The following TBC1D5 variants were observed in gnomAD, a reference collection of about 807,000 sequenced individuals.
The protein encoded by TBC1D5 is TBC1 domain family member 5, also known as TBC1 domain family, member 5.
Under a neutral mutation model 100.3 loss-of-function variants are expected in TBC1D5, and 75 were observed. That is an observed-to-expected ratio of 0.75 (90% CI 0.62 to 0.91). The LOEUF (loss-of-function observed/expected upper bound fraction) is 0.91. Ranked by LOEUF, TBC1D5 falls within the 40% of genes least tolerant of loss-of-function variation. The pLI, the probability that TBC1D5 is intolerant of heterozygous loss-of-function variation, is 0.00. For synonymous variants in TBC1D5, 323 were observed against 325.6 expected, an observed-to-expected ratio of 0.99 and a Z score of 0.09; for missense variants, 910 against 942.4, an observed-to-expected ratio of 0.97 and a Z score of 0.45.
At chr3:17,408,266 C>T (rs981241585) in intron 4 of TBC1D5, among the ~76,000 whole-genome samples, 1 of 123,432 alleles carries the variant, frequency 8.1e-6, no homozygotes, top group Non-Finnish European at 1.6e-5. Context: ...AGAAGACTAT[C>T]CAACACACAC....
At chr3:17,368,696 A>T (rs9874826) in intron 13 of TBC1D5, among the ~76,000 whole-genome samples, 76,255 of 151,260 alleles carry the variant, frequency 0.5, 20,802 homozygotes, top group African/African-American at 0.69. Flanking sequence ...TTTTCTTTTT[A>T]AATTTTTCAT....
intron 13 of TBC1D5, among the ~76,000 whole-genome samples, chr3:17,312,444 C>G (rs1281927387): frequency 2.0e-5 from 3 of 152,044 alleles, no homozygotes; most frequent in Admixed American, 6.6e-5. Context: ...CCATCAAACT[C>G]TTTTTCAAAA....
At chr3:17,740,451 T>C (rs944161746) in exon 1 of TBC1D5, 1 of 152,072 alleles carries the variant, frequency 6.6e-6, no homozygotes, top group Non-Finnish European at 1.5e-5. Flanking sequence ...TTATAAAAAT[T>C]ATGGTACTAA....
chr3:17,221,494 A>G (rs931667237), intron 17 of TBC1D5, among the ~76,000 whole-genome samples: 2 of 152,018 alleles, frequency 1.3e-5, no homozygotes, highest in Admixed American at 6.6e-5. Flanking sequence ...GAGTTCTTAA[A>G]GTAGAAGAGG....
At chr3:17,712,915 C>T (rs757102241) in intron 1 of TBC1D5, among the ~76,000 whole-genome samples, 8 of 152,182 alleles carry the variant, frequency 5.3e-5, no homozygotes, top group Non-Finnish European at 1.0e-4. Context: ...CACTCTCCAT[C>T]CCAGTGTCAA....
chr3:17,212,140 C>T (rs2073058064), intron 18 of TBC1D5, among the ~76,000 whole-genome samples: 1 of 152,184 alleles, frequency 6.6e-6, no homozygotes. Context: ...TTCTGTATTA[C>T]CTTGGCATCC....
At chr3:17,400,823 G>A (rs560047597) in intron 8 of TBC1D5, among the ~76,000 whole-genome samples, 34 of 152,114 alleles carry the variant, frequency 2.2e-4, no homozygotes, top group African/African-American at 7.7e-4. Context: ...TCCTGCCCTC[G>A]AACATCAGAC....
intron 3 of TBC1D5, among the ~76,000 whole-genome samples, chr3:17,455,335 T>TAA (rs2095046749): frequency 7.1e-6 from 1 of 141,588 alleles, no homozygotes; most frequent in African/African-American, 2.7e-5. Flanking sequence ...TGTATATATG[T>TAA]ATATGTATAT....
chr3:17,710,911 C>T (rs1031174962), intron 1 of TBC1D5, among the ~76,000 whole-genome samples: 10 of 152,082 alleles, frequency 6.6e-5, no homozygotes, highest in African/African-American at 2.4e-4. Context: ...TTGAGTTAGG[C>T]TGGTCTCAAA....
intron 3 of TBC1D5, among the ~76,000 whole-genome samples, chr3:17,449,795 G>A (rs1293596681): frequency 6.6e-6 from 1 of 152,220 alleles, no homozygotes; most frequent in African/African-American, 2.4e-5. Context: ...AGGGGCGGCT[G>A]TGGGAGCAGC....
chr3:17,566,530 G>A (rs987103283), intron 2 of TBC1D5, among the ~76,000 whole-genome samples: 2 of 151,742 alleles, frequency 1.3e-5, no homozygotes, highest in African/African-American at 4.8e-5. Flanking sequence ...ATAAAACACT[G>A]ATCATCAATT....
intron 18 of TBC1D5, 121 bp downstream of exon 19, chr3:17,214,086 C>A: frequency 1.1e-6 from 1 of 902,266 alleles, no homozygotes; most frequent in South Asian, 2.8e-5. Context: ...TAAAATAATT[C>A]CTTTTAGTCC....
At chr3:17,278,687 T>G (rs1337083097) in intron 15 of TBC1D5, among the ~76,000 whole-genome samples, 2 of 152,162 alleles carry the variant, frequency 1.3e-5, no homozygotes, top group Non-Finnish European at 2.9e-5. Flanking sequence ...AAAAAAGAGA[T>G]TGTTGGCTGC....
Position 17,384,018 on chromosome 3 carries a change from G to A in TBC1D5, c.510-3C>T. 2 of 1,591,760 alleles carry A rather than the reference G, an allele frequency of 1.3e-6. No homozygotes were observed. Among genetic ancestry groups the A allele is most frequent in the Non-Finnish European group, 1.7e-6 (2 of 1,165,192 alleles). On this transcript the variant is annotated splice_polypyrimidine_tract_variant and splice_region_variant and intron_variant, in intron 8 of 21. Coordinates refer to ENST00000253692, the Ensembl canonical transcript of TBC1D5. The stretch of plus-strand genomic sequence containing the variant: ...GGAAAAACTGCATTTCAGGAAACCT[G>A]GAAAAAGAAAATACAAGATTGAAAC...
intron 2 of TBC1D5, 39 bp from the exon 3 acceptor site, chr3:17,508,644 T>C: frequency 2.0e-6 from 2 of 1,018,624 alleles, no homozygotes; most frequent in Non-Finnish European, 3.1e-6. Flanking sequence ...TAATAAATTC[T>C]TTTTCTGCTA....
rs541753384 is a variant in TBC1D5 at position 17,397,358 on chromosome 3, G to C, written c.509+5823C>G. Among the ~76,000 whole-genome samples, 19 of 152,154 alleles carry C rather than the reference G, an allele frequency of 1.2e-4. No individual in the cohort carries two copies. The South Asian group carries it at 3.9e-3, about 32-fold the overall frequency. ...CATACATATACACTATAAACAAAAGGAAACATTAAGATGAGAAAGTTACTT... is the reference window on the plus strand; with the variant it reads ...CATACATATACACTATAAACAAAAGCAAACATTAAGATGAGAAAGTTACTT... On this transcript the variant is annotated intron_variant, in intron 8 of 21. Transcript: ENST00000253692.
intron 17 of TBC1D5, among the ~76,000 whole-genome samples, chr3:17,224,355 C>G (rs894457521): frequency 6.6e-6 from 1 of 152,160 alleles, no homozygotes; most frequent in African/African-American, 2.4e-5. Flanking sequence ...GCCACACATG[C>G]AATTTCTAAT....
At chr3:17,613,155 G>C (rs1330258610) in intron 2 of TBC1D5, among the ~76,000 whole-genome samples, 1 of 152,106 alleles carries the variant, frequency 6.6e-6, no homozygotes, top group Non-Finnish European at 1.5e-5. Flanking sequence ...CTGTCCTTGA[G>C]ATAGTTTGCT....
Position 17,683,552 on chromosome 3 carries a change from A to G in TBC1D5, c.-101+55791T>C, listed in dbSNP as rs368059913. Among the ~76,000 whole-genome samples the G allele has an allele frequency of 9.8e-5, 15 of 152,324 alleles. No individual in the cohort carries two copies. In the South Asian group the frequency reaches 2.7e-3, roughly 27 times the overall value. Reference sequence around the variant, plus strand: ...AACGAATATACTTTGCAAGTTAAATATTTAGAGGAAAATACCAGTACTCTC... The same window carrying G: ...AACGAATATACTTTGCAAGTTAAATGTTTAGAGGAAAATACCAGTACTCTC... On this transcript the variant is annotated intron_variant, in intron 1 of 21. Transcript: ENST00000253692.
Sources: gnomAD v4.1 joint callset for allele counts (sites outside exome capture counted in the v4.1 genomes callset) on GRCh38, gnomAD v4.1.1 for gene constraint, MANE v1.5 for transcripts, NCBI Gene and HGNC (gene_info 2026-07-23, HGNC 2026-07-21) for gene names.